The following CADM1 variants were observed in gnomAD, a reference collection of about 807,000 sequenced individuals.
CADM1 encodes TSLC-1.
Under a neutral mutation model 53.1 loss-of-function variants are expected in CADM1, and 15 were observed. The ratio of observed to expected loss-of-function variants is 0.28; its 90% CI spans 0.19 to 0.44. The LOEUF (loss-of-function observed/expected upper bound fraction) is 0.44, where lower values mean the gene tolerates loss of function less well. CADM1 is among the 20% of genes least tolerant of loss of function. The probability of loss-of-function intolerance (pLI) is 1.00; values close to 1 mark genes in which losing one functional copy is unlikely to be tolerated. For synonymous variants in CADM1, 281 were observed against 243.0 expected (o/e 1.16, Z -1.45); for missense variants, 434 against 611.3 (o/e 0.71, Z 3.06).
intron 1 of CADM1, among the ~76,000 whole-genome samples, chr11:115,309,246 A>G (rs1057383504): frequency 1.3e-5 from 2 of 152,158 alleles, no homozygotes; most frequent in African/African-American, 4.8e-5. Flanking sequence ...TTAAAGAAAC[A>G]TGCCATTTCT....
chr11:115,315,010 T>C (rs1404616786), intron 1 of CADM1, among the ~76,000 whole-genome samples: 1 of 152,066 alleles, frequency 6.6e-6, no homozygotes, highest in African/African-American at 2.4e-5. Flanking sequence ...GGATTTGGAG[T>C]TGACACGTTA....
intron 1 of CADM1, among the ~76,000 whole-genome samples, chr11:115,348,062 A>T (rs577645910): frequency 6.6e-6 from 1 of 152,316 alleles, no homozygotes; most frequent in East Asian, 1.9e-4. Context: ...TTGGAAGTTA[A>T]TTACCTATTA....
At chr11:115,410,265 TC>T (rs1256398262) in intron 1 of CADM1, among the ~76,000 whole-genome samples, 2 of 152,242 alleles carry the variant, frequency 1.3e-5, no homozygotes, top group Non-Finnish European at 2.9e-5. Context: ...TTAGCTTCTC[TC>T]CGATAACATC....
At chr11:115,311,518 T>C (rs1241727686) in intron 1 of CADM1, among the ~76,000 whole-genome samples, 1 of 151,810 alleles carries the variant, frequency 6.6e-6, no homozygotes, top group East Asian at 1.9e-4. Flanking sequence ...TCATATCCCG[T>C]AAATACTATA....
intron 1 of CADM1, among the ~76,000 whole-genome samples, chr11:115,283,051 C>T (rs1205046640): frequency 6.6e-6 from 1 of 152,058 alleles, no homozygotes; most frequent in African/African-American, 2.4e-5. Flanking sequence ...GCTTTTATAG[C>T]TTTGATGAAT....
chr11:115,434,597 T>C (rs1012700454), intron 1 of CADM1, among the ~76,000 whole-genome samples: 2 of 152,142 alleles, frequency 1.3e-5, no homozygotes, highest in Non-Finnish European at 2.9e-5. Flanking sequence ...AGAAATCTTG[T>C]GAGGACTAAG....
intron 1 of CADM1, among the ~76,000 whole-genome samples, chr11:115,445,239 A>G (rs1042584019): frequency 6.6e-6 from 1 of 152,126 alleles, no homozygotes; most frequent in Non-Finnish European, 1.5e-5. Flanking sequence ...GTGTCTCAAA[A>G]CTAGAGTTGA....
chr11:115,173,502 C>A lies in CADM1; in HGVS notation c.*2972G>T, dbSNP rs1186906701. 6.5e-6 allele frequency: 1 copy of A among 153,382 alleles called. No individual in the cohort carries two copies. Among genetic ancestry groups the A allele is most frequent in the African/African-American group, 2.4e-5 (1 of 41,576 alleles). The allele number at this position is 153,382 out of a possible 1,614,324, so 9.5% of individuals were successfully genotyped here. On this transcript the variant is annotated 3_prime_UTR_variant, in exon 12 of 12. Transcript: ENST00000331581. Reference sequence around the variant, plus strand: ...CCCAGCAACCCAGCCGGCAGCATGTCCTAGCATCTACTGCCAGCGTTCCTG... The same window carrying A: ...CCCAGCAACCCAGCCGGCAGCATGTACTAGCATCTACTGCCAGCGTTCCTG...
At chr11:115,441,191 C>T (rs1948302541) in intron 1 of CADM1, among the ~76,000 whole-genome samples, 1 of 151,500 alleles carries the variant, frequency 6.6e-6, no homozygotes. Context: ...CATGCTTGTA[C>T]CTATAGGCTT....
chr11:115,348,177 T>C (rs570393911), intron 1 of CADM1, among the ~76,000 whole-genome samples: 51 of 152,296 alleles, frequency 3.3e-4, no homozygotes, highest in African/African-American at 1.2e-3. Context: ...TAAGGTAGGT[T>C]CTTACTAAAG....
chr11:115,353,461 T>A (rs1945787928), intron 1 of CADM1, among the ~76,000 whole-genome samples: 1 of 152,258 alleles, frequency 6.6e-6, no homozygotes, highest in African/African-American at 2.4e-5. Context: ...AACTTAAGTT[T>A]AATTAATTCC....
intron 1 of CADM1, among the ~76,000 whole-genome samples, chr11:115,323,546 G>T (rs1944880712): frequency 6.6e-6 from 1 of 152,102 alleles, no homozygotes; most frequent in Admixed American, 6.6e-5. Context: ...CAACTAGTAA[G>T]AATTTCTGGA....
chr11:115,315,291 G>C (rs1340444329), intron 1 of CADM1, among the ~76,000 whole-genome samples: 1 of 152,146 alleles, frequency 6.6e-6, no homozygotes, highest in East Asian at 1.9e-4. Context: ...TTTATAATTA[G>C]TGTTTCTTTG....
chr11:115,475,347 T>G (rs1223192271), intron 1 of CADM1, among the ~76,000 whole-genome samples: 11 of 152,222 alleles, frequency 7.2e-5, no homozygotes, highest in Non-Finnish European at 1.6e-4. Flanking sequence ...GCTGGTTGAA[T>G]ACACAGATGC....
Position 115,174,415 on chromosome 11 carries a change from G to T in CADM1, c.*2059C>A. On this transcript the variant is annotated 3_prime_UTR_variant, in exon 12 of 12. Transcript: ENST00000331581. ...GGTGCTAAGGGCTCGGAATAGAGCT[G>T]CAGATTATAAAATTCATTGAAAAAG... 1 of 985,640 alleles carries T rather than the reference G, an allele frequency of 1.0e-6. No homozygotes were observed. Among genetic ancestry groups the T allele is most frequent in the Non-Finnish European group, 1.2e-6 (1 of 829,826 alleles). The allele number at this position is 985,640 out of a possible 1,614,324, so 61.1% of individuals were successfully genotyped here.
intron 5 of CADM1, among the ~76,000 whole-genome samples, chr11:115,227,682 G>A (rs922898692): frequency 1.3e-5 from 2 of 152,296 alleles, no homozygotes; most frequent in Middle Eastern, 3.4e-3. Context: ...TTATAAGCAT[G>A]ATGCCCATAT....
chr11:115,194,497 G>A (rs1215489223), intron 9 of CADM1, among the ~76,000 whole-genome samples: 2 of 152,164 alleles, frequency 1.3e-5, no homozygotes, highest in East Asian at 1.9e-4. Context: ...ATTCTTCAGA[G>A]GGGTTTCCAG....
intron 1 of CADM1, among the ~76,000 whole-genome samples, chr11:115,319,631 G>A (rs1944768892): frequency 6.6e-6 from 1 of 152,140 alleles, no homozygotes; most frequent in African/African-American, 2.4e-5. Flanking sequence ...CACGTAGTCA[G>A]AAACTGAAGG....
intron 9 of CADM1, among the ~76,000 whole-genome samples, chr11:115,196,189 G>A (rs1565290647): frequency 6.6e-6 from 1 of 152,050 alleles, no homozygotes; most frequent in African/African-American, 2.4e-5. Flanking sequence ...CATTCCAAGT[G>A]TCTCTTCCTT....
Sources: gnomAD v4.1 joint callset for allele counts (sites outside exome capture counted in the v4.1 genomes callset) on GRCh38, gnomAD v4.1.1 for gene constraint, MANE v1.5 for transcripts, NCBI Gene and HGNC (gene_info 2026-07-23, HGNC 2026-07-21) for gene names.